PGM5: variants seen among roughly 807,000 people sequenced by gnomAD.
PGM5 encodes the protein phosphoglucomutase-like protein 5.
A neutral mutation model predicts 59.2 loss-of-function variants in PGM5; 23 were observed. The ratio of observed to expected loss-of-function variants is 0.39; its 90% CI spans 0.28 to 0.55. The LOEUF is 0.55. PGM5 is among the 20% of genes least tolerant of loss of function. PGM5 has a pLI of 0.66. For synonymous variants in PGM5, 214 were observed against 286.0 expected, an observed-to-expected ratio of 0.75 and a Z score of 2.54; for missense variants, 574 against 748.3, an observed-to-expected ratio of 0.77 and a Z score of 2.72.
At chr9:68,460,961 C>T in intron 6 of PGM5, among the ~76,000 whole-genome samples, 1 of 152,164 alleles carries the variant, frequency 6.6e-6, no homozygotes, top group South Asian at 2.1e-4. Context: ...GGAAGCTCCG[C>T]AGCAGGAAGG....
chr9:68,451,512 T>G (rs1823695730), intron 6 of PGM5, among the ~76,000 whole-genome samples: 1 of 152,248 alleles, frequency 6.6e-6, no homozygotes, highest in Non-Finnish European at 1.5e-5. Flanking sequence ...TTATGTGAGA[T>G]GTGGACATAT....
chr9:68,474,032 C>T (rs560995589), intron 7 of PGM5, among the ~76,000 whole-genome samples: 1 of 152,202 alleles, frequency 6.6e-6, no homozygotes, highest in South Asian at 2.1e-4. Flanking sequence ...GCATACGGTG[C>T]CTTTCTGCTG....
intron 7 of PGM5, among the ~76,000 whole-genome samples, chr9:68,477,336 A>G (rs1554686764): frequency 6.6e-6 from 1 of 152,096 alleles, no homozygotes; most frequent in Non-Finnish European, 1.5e-5. Context: ...TTATTGAGAA[A>G]AAAAGTTTAA....
At chr9:68,440,928 G>T (rs1355666018) in intron 6 of PGM5, among the ~76,000 whole-genome samples, 1 of 151,962 alleles carries the variant, frequency 6.6e-6, no homozygotes, top group Non-Finnish European at 1.5e-5. Context: ...GACCAACAAA[G>T]ATGAAAAGAG....
chr9:68,452,322 T>C (rs1823708798), intron 6 of PGM5, among the ~76,000 whole-genome samples: 1 of 152,132 alleles, frequency 6.6e-6, no homozygotes, highest in African/African-American at 2.4e-5. Flanking sequence ...AGGAAGTTTC[T>C]CCTAAGCACC....
intron 10 of PGM5, among the ~76,000 whole-genome samples, chr9:68,502,817 G>T (rs570928014): frequency 6.6e-5 from 10 of 152,222 alleles, no homozygotes; most frequent in African/African-American, 2.4e-4. Context: ...AGCCCCCCGA[G>T]TAGCGGGGAT....
At chr9:68,454,488 T>C (rs994276649) in intron 6 of PGM5, among the ~76,000 whole-genome samples, 1 of 152,092 alleles carries the variant, frequency 6.6e-6, no homozygotes, top group Non-Finnish European at 1.5e-5. Flanking sequence ...ATCTCAAAAA[T>C]AGTTTGTTAT....
At chr9:68,431,537 T>C (rs568778371) in intron 6 of PGM5, among the ~76,000 whole-genome samples, 2 of 152,336 alleles carry the variant, frequency 1.3e-5, no homozygotes, top group South Asian at 4.1e-4. Context: ...TTAAAGTTCT[T>C]AGTTTACTTT....
intron 8 of PGM5, among the ~76,000 whole-genome samples, chr9:68,482,566 G>A (rs1554687202): frequency 1.3e-5 from 2 of 152,142 alleles, no homozygotes; most frequent in Non-Finnish European, 2.9e-5. Context: ...GTGGAAAAAA[G>A]TAGTAACAAC....
chr9:68,422,899 C>T (rs139950750), intron 6 of PGM5, among the ~76,000 whole-genome samples: 5,354 of 152,208 alleles, frequency 0.035, 100 homozygotes, highest in African/African-American at 0.045. Context: ...CCCGTGTCCC[C>T]AAAGTCCATT....
At chr9:68,384,856 G>T (rs1316597837) in intron 3 of PGM5, among the ~76,000 whole-genome samples, 50 of 149,912 alleles carry the variant, frequency 3.3e-4, no homozygotes, top group African/African-American at 1.2e-3. Context: ...CAATTAAGGT[G>T]AAGATGCTGG....
At position 68,357,102 on chromosome 9, in the gene PGM5, C is replaced by T. The variant is rs1554675761; in HGVS notation, c.-26C>T. The T allele has an allele frequency of 2.1e-6, 3 of 1,457,988 alleles. No individual in the cohort carries two copies. Among genetic ancestry groups the T allele is most frequent in the African/African-American group, 1.4e-5 (1 of 69,044 alleles). 90.3% of individuals were successfully genotyped at this position (1,457,988 alleles called of 1,614,324 possible). On this transcript the variant is annotated 5_prime_UTR_variant, in exon 1 of 11. Transcript: ENST00000396396. The stretch of plus-strand genomic sequence containing the variant: ...GCAGATTCCCTCCGGCTCCGGGAGC[C>T]GCAGCAGGACCGGCCAGGAGGCGCC...
intron 6 of PGM5, among the ~76,000 whole-genome samples, chr9:68,434,293 G>A (rs1229372062): frequency 1.5e-5 from 2 of 135,428 alleles, no homozygotes; most frequent in Non-Finnish European, 3.1e-5. Context: ...GTCCAGCCTG[G>A]GCAACAGAGT....
intron 10 of PGM5, among the ~76,000 whole-genome samples, chr9:68,504,858 A>G (rs568578466): frequency 9.2e-5 from 14 of 152,166 alleles, no homozygotes; most frequent in Non-Finnish European, 1.8e-4. Flanking sequence ...AAATTATTGC[A>G]ATATTGACCA....
In PGM5 at chr9:68,396,225, A is replaced by G. The variant is rs1332224609; in HGVS notation, c.1043+3752A>G. On this transcript the variant is annotated intron_variant, in intron 6 of 10. Coordinates refer to ENST00000396396, the MANE Select transcript of PGM5 (RefSeq NM_021965.4). ...TCCTCATATTAAAGATGTTGAACCA[A>G]TGATCAGAGAGCTTAAGTGACTTGT... 2.0e-5 allele frequency: 3 copies of G among 152,318 alleles called. No homozygotes were observed. The East Asian group carries it at 5.8e-4, about 29-fold the overall frequency. 9.4% of individuals were successfully genotyped at this position (152,318 alleles called of 1,614,324 possible). A position where few individuals can be genotyped will look rare whatever the true frequency, so the allele number is the denominator to read the frequency against.
At chr9:68,419,357 C>A (rs1189417738) in intron 6 of PGM5, among the ~76,000 whole-genome samples, 1 of 152,082 alleles carries the variant, frequency 6.6e-6, no homozygotes, top group Non-Finnish European at 1.5e-5. Context: ...CAGCAAAACA[C>A]AAATAGGTTT....
At chr9:68,501,821 G>T (rs1180570204) in intron 10 of PGM5, among the ~76,000 whole-genome samples, 1 of 152,154 alleles carries the variant, frequency 6.6e-6, no homozygotes, top group Non-Finnish European at 1.5e-5. Flanking sequence ...TTTTACTTTG[G>T]CCATGGATAG....
chr9:68,512,685 A>G (rs540651247), intron 10 of PGM5, among the ~76,000 whole-genome samples: 16 of 152,306 alleles, frequency 1.1e-4, no homozygotes, highest in African/African-American at 1.4e-4. Flanking sequence ...TCATTTTAAC[A>G]TGAGTACCTC....
At chr9:68,390,244 C>T (rs1385486854) in intron 4 of PGM5, among the ~76,000 whole-genome samples, 1 of 152,154 alleles carries the variant, frequency 6.6e-6, no homozygotes, top group Non-Finnish European at 1.5e-5. Context: ...AAAGAACTTT[C>T]AGGTTCTTGC....
Sources: allele counts gnomAD v4.1 joint callset (sites outside exome capture counted in the v4.1 genomes callset), GRCh38; gene constraint gnomAD v4.1.1; transcripts MANE v1.5; gene names NCBI Gene and HGNC (gene_info 2026-07-23, HGNC 2026-07-21).